Variants in POR observed in about 807,000 individuals in gnomAD.
The protein encoded by POR is cytochrome p450 oxidoreductase, also known as NADPH--cytochrome P450 reductase.
In POR, 56 loss-of-function variants were observed where a neutral mutation model predicts 84.0. That is an observed-to-expected ratio of 0.67 (90% CI 0.54 to 0.83). The LOEUF (loss-of-function observed/expected upper bound fraction) is 0.83. POR is among the 40% of genes least tolerant of loss of function. POR has a pLI of 0.00. For synonymous variants in POR, 414 were observed against 400.5 expected, an observed-to-expected ratio of 1.03 and a Z score of -0.40; for missense variants, 938 against 944.3, an observed-to-expected ratio of 0.99 and a Z score of 0.09.
intron 1 of POR, among the ~76,000 whole-genome samples, chr7:75,952,336 G>A (rs1437672113): frequency 8.1e-5 from 10 of 123,640 alleles, no homozygotes; most frequent in African/African-American, 3.1e-4. Context: ...GGGCAAAGGG[G>A]CTCCTCACTT....
At chr7:75,915,492 G>A (rs942151358) in intron 1 of POR, 1 of 152,282 alleles carries the variant, frequency 6.6e-6, no homozygotes, top group African/African-American at 2.4e-5. Context: ...CAGGGCTCGG[G>A]GTCCAGTCCC....
chr7:75,928,215 C>T (rs542783111), intron 1 of POR, among the ~76,000 whole-genome samples: 19 of 152,142 alleles, frequency 1.2e-4, no homozygotes, highest in South Asian at 2.1e-4. Flanking sequence ...GTGATCCACC[C>T]GCCTCGGCCT....
At chr7:75,947,261 A>G (rs1381616418) in intron 1 of POR, 1 of 151,882 alleles carries the variant, frequency 6.6e-6, no homozygotes, top group African/African-American at 2.4e-5. Flanking sequence ...TGGAAGCCCA[A>G]TGTGTGTTTT....
chr7:75,926,030 CT>C (rs869058308), intron 1 of POR, among the ~76,000 whole-genome samples: 2,043 of 114,830 alleles, frequency 0.018, 25 homozygotes, highest in Middle Eastern at 0.08. Context: ...TTTTCTCTCT[CT>C]TTTTTTTTTT....
chr7:75,985,317 G>A, intron 12 of POR, 110 bp downstream of exon 12: 2 of 1,374,414 alleles, frequency 1.5e-6, no homozygotes, highest in Non-Finnish European at 1.9e-6. Context: ...CTGAGCTCCA[G>A]TTCCAGCCCC....
chr7:75,935,289 G>A (rs948059777), intron 1 of POR, among the ~76,000 whole-genome samples: 1 of 152,016 alleles, frequency 6.6e-6, no homozygotes, highest in Non-Finnish European at 1.5e-5. Flanking sequence ...ATGGGAGGCC[G>A]AGGTGGGAGT....
At chr7:75,968,328 A>C in intron 2 of POR, 1 of 463,828 alleles carries the variant, frequency 2.2e-6, no homozygotes, top group Non-Finnish European at 4.5e-6. Context: ...GGACTCAGCC[A>C]GGCCTAGGCA....
In POR at chr7:75,986,738, T is replaced by C. The variant is rs1789503005; in HGVS notation, c.*257T>C. On this transcript the variant is annotated 3_prime_UTR_variant, in exon 16 of 16. Coordinates refer to ENST00000461988, the MANE Select transcript of POR (RefSeq NM_000941.3). ...CTGGAGGCCTCTGGCCCTCGGTGGC[T>C]GCACAGAAGGGCTCTTTCTCTCTGC... The C allele has an allele frequency of 1.7e-6, 1 of 587,450 alleles. No individual in the cohort carries two copies. Among genetic ancestry groups the C allele is most frequent in the Admixed American group, 3.1e-5 (1 of 32,492 alleles). The allele number at this position is 587,450 out of a possible 1,614,324, so 36.4% of individuals were successfully genotyped here. A position where few individuals can be genotyped will look rare whatever the true frequency, so the allele number is the denominator to read the frequency against.
At chr7:75,969,819 C>T (rs1788349443) in intron 2 of POR, among the ~76,000 whole-genome samples, 1 of 152,158 alleles carries the variant, frequency 6.6e-6, no homozygotes, top group Admixed American at 6.5e-5. Flanking sequence ...GTGTGCTAGG[C>T]GTCGCGCTCA....
intron 1 of POR, among the ~76,000 whole-genome samples, chr7:75,925,119 G>A (rs1807052643): frequency 6.6e-6 from 1 of 152,182 alleles, no homozygotes. Flanking sequence ...TTGTGGTTGA[G>A]CACACAGCTC....
At chr7:75,935,618 C>CT (rs1282142758) in intron 1 of POR, among the ~76,000 whole-genome samples, 24 of 107,620 alleles carry the variant, frequency 2.2e-4, no homozygotes, top group African/African-American at 8.3e-4. Context: ...CTGCTCGGGG[C>CT]TTGTGTGTGT....
At chr7:75,938,162 C>T (rs907850353) in intron 1 of POR, among the ~76,000 whole-genome samples, 2 of 152,158 alleles carry the variant, frequency 1.3e-5, no homozygotes, top group African/African-American at 2.4e-5. Context: ...GTCATTGCAT[C>T]GGGCACATGC....
intron 1 of POR, among the ~76,000 whole-genome samples, chr7:75,938,393 C>G (rs1807801862): frequency 6.6e-6 from 1 of 152,186 alleles, no homozygotes; most frequent in Non-Finnish European, 1.5e-5. Context: ...TCACCAGCTT[C>G]CCCAGGGCCA....
chr7:75,939,963 G>T lies in POR; in HGVS notation c.-4-14026G>T, dbSNP rs1362417159. On this transcript the variant is annotated intron_variant, in intron 1 of 15. Coordinates refer to ENST00000461988, the MANE Select transcript of POR (RefSeq NM_000941.3). ...CTTGCTTTGTTGCCCAGGCTGGAGT[G>T]CAGGGATACTCACTGCAGCCTCAAC... 2.0e-5 allele frequency among the ~76,000 whole-genome samples: 3 copies of T among 152,202 alleles called. No homozygotes were observed. The East Asian group carries it at 5.8e-4, about 30-fold the overall frequency.
At chr7:75,970,715 C>T (rs563277595) in intron 2 of POR, among the ~76,000 whole-genome samples, 4 of 150,684 alleles carry the variant, frequency 2.7e-5, no homozygotes, top group Admixed American at 2.6e-4. Context: ...TGCCACTGCA[C>T]TCCAGCCTGG....
chr7:75,975,615 C>T (rs1265853317), intron 3 of POR, among the ~76,000 whole-genome samples: 2 of 152,126 alleles, frequency 1.3e-5, no homozygotes, highest in African/African-American at 2.4e-5. Flanking sequence ...GCAACAGCTA[C>T]ACCCTGTGTC....
chr7:75,943,791 T>TA (rs1554551826), intron 1 of POR: 1 of 483,444 alleles, frequency 2.1e-6, no homozygotes, highest in East Asian at 5.7e-5. Context: ...ATTGCATTCT[T>TA]AAACCCTCTT....
chr7:75,952,922 C>T (rs1261049670), intron 1 of POR, among the ~76,000 whole-genome samples: 2 of 152,058 alleles, frequency 1.3e-5, no homozygotes, highest in African/African-American at 4.8e-5. Flanking sequence ...GACGGGGTGG[C>T]GGCCGGGCAG....
intron 1 of POR, among the ~76,000 whole-genome samples, chr7:75,924,571 G>A (rs1807028941): frequency 6.6e-6 from 1 of 152,062 alleles, no homozygotes; most frequent in Non-Finnish European, 1.5e-5. Flanking sequence ...TGGGTGTGGT[G>A]GTGTGTACCT....
Sources: gnomAD v4.1 joint callset for allele counts (sites outside exome capture counted in the v4.1 genomes callset) on GRCh38, gnomAD v4.1.1 for gene constraint, MANE v1.5 for transcripts, NCBI Gene and HGNC (gene_info 2026-07-23, HGNC 2026-07-21) for gene names.